VDAC1: variants seen among roughly 807,000 people sequenced by gnomAD.
VDAC1 encodes voltage dependent anion channel 1, also known as non-selective voltage-gated ion channel VDAC1.
VDAC1 carries 10 observed loss-of-function variants against 34.7 expected under a neutral mutation model. The ratio of observed to expected loss-of-function variants is 0.29; its 90% CI spans 0.18 to 0.49. The LOEUF (loss-of-function observed/expected upper bound fraction) is 0.49, where lower values mean the gene tolerates loss of function less well. Among genes scored for constraint, VDAC1 ranks in the 20% least tolerant of loss-of-function variants. The pLI is 0.99. For synonymous variants in VDAC1, 130 were observed against 136.0 expected, an observed-to-expected ratio of 0.96 and a Z score of 0.30; for missense variants, 230 against 347.9, an observed-to-expected ratio of 0.66 and a Z score of 2.69.
chr5:134,112,878 G>A, the VDAC1 span, among the ~76,000 whole-genome samples: 1 of 152,190 alleles, frequency 6.6e-6, no homozygotes, highest in African/African-American at 2.4e-5. Flanking sequence ...CCACTGATCT[G>A]TGTCGGTGGA....
the VDAC1 span, among the ~76,000 whole-genome samples, chr5:134,037,253 C>T: frequency 6.6e-6 from 1 of 152,164 alleles, no homozygotes; most frequent in East Asian, 1.9e-4. Flanking sequence ...ATGGAAAATG[C>T]CCATTGCTGT....
chr5:134,112,434 G>A, the VDAC1 span, among the ~76,000 whole-genome samples: 2 of 152,190 alleles, frequency 1.3e-5, no homozygotes, highest in Admixed American at 1.3e-4. Flanking sequence ...CAGTGTGGCT[G>A]TGGATGCCTG....
the VDAC1 span, among the ~76,000 whole-genome samples, chr5:134,026,109 C>T: frequency 4.6e-5 from 7 of 152,260 alleles, no homozygotes; most frequent in African/African-American, 1.7e-4. Flanking sequence ...TCATGCAAAT[C>T]CGAACATCCA....
chr5:134,014,077 G>A, the VDAC1 span, among the ~76,000 whole-genome samples: 2 of 152,090 alleles, frequency 1.3e-5, no homozygotes, highest in East Asian at 3.9e-4. Flanking sequence ...ATCACCTGAG[G>A]TCAGGAGTTT....
At chr5:134,042,410 G>A in the VDAC1 span, among the ~76,000 whole-genome samples, 7 of 152,236 alleles carry the variant, frequency 4.6e-5, no homozygotes, top group Admixed American at 1.3e-4. Flanking sequence ...GCCCAGGCTA[G>A]GTGACCTGCC....
intron 5 of VDAC1, among the ~76,000 whole-genome samples, chr5:133,987,899 T>C (rs186371384): frequency 6.6e-6 from 1 of 152,308 alleles, no homozygotes; most frequent in African/African-American, 2.4e-5. Flanking sequence ...CAGAGAAGAA[T>C]ATAACACAAC....
the VDAC1 span, among the ~76,000 whole-genome samples, chr5:134,041,904 C>A: frequency 2.0e-5 from 3 of 152,198 alleles, no homozygotes; most frequent in African/African-American, 7.2e-5. Flanking sequence ...CCTCGAAGCT[C>A]CTGAGGTGAC....
chr5:134,100,399 A>G, the VDAC1 span, among the ~76,000 whole-genome samples: 5 of 152,324 alleles, frequency 3.3e-5, no homozygotes, highest in South Asian at 1.0e-3. Flanking sequence ...AGAATGGAAA[A>G]TTCCCCCAGT....
At chr5:134,069,134 T>C in the VDAC1 span, among the ~76,000 whole-genome samples, 2 of 151,708 alleles carry the variant, frequency 1.3e-5, no homozygotes, top group Admixed American at 1.3e-4. Context: ...AGAAAAAAAA[T>C]GAATGTTAAA....
chr5:134,074,688 G>A, the VDAC1 span, among the ~76,000 whole-genome samples: 3 of 152,134 alleles, frequency 2.0e-5, no homozygotes. Context: ...CAGTCACTCA[G>A]TGGTGGGAGG....
the VDAC1 span, among the ~76,000 whole-genome samples, chr5:134,091,037 G>A: frequency 7.9e-5 from 12 of 152,150 alleles, no homozygotes; most frequent in South Asian, 2.1e-4. Flanking sequence ...AAGTGGCCAC[G>A]GAACACTATG....
At chr5:134,042,149 G>A in the VDAC1 span, among the ~76,000 whole-genome samples, 1 of 152,214 alleles carries the variant, frequency 6.6e-6, no homozygotes, top group African/African-American at 2.4e-5. Context: ...AAGGTCGGAA[G>A]CAGGGCTGTC....
the VDAC1 span, among the ~76,000 whole-genome samples, chr5:134,083,566 A>C: frequency 3.0e-4 from 45 of 152,132 alleles, no homozygotes; most frequent in Admixed American, 2.9e-3. Flanking sequence ...AGTGGGGAAA[A>C]CTGTACTTCT....
At chr5:133,992,228 C>G in intron 3 of VDAC1, 78 bp downstream of exon 3, 1 of 1,124,464 alleles carries the variant, frequency 8.9e-7, no homozygotes, top group Non-Finnish European at 1.2e-6. Flanking sequence ...AAGAGCAAAA[C>G]TCCATCTCAA....
the VDAC1 span, among the ~76,000 whole-genome samples, chr5:134,068,972 G>C: frequency 7.3e-6 from 1 of 137,760 alleles, no homozygotes; most frequent in Admixed American, 7.1e-5. Context: ...GTGACTGTGT[G>C]TGTGTGTGTG....
At chr5:134,072,805 C>G in the VDAC1 span, among the ~76,000 whole-genome samples, 1 of 152,202 alleles carries the variant, frequency 6.6e-6, no homozygotes, top group East Asian at 1.9e-4. Context: ...TGCAGTCCAG[C>G]TGGGAACAAA....
the VDAC1 span, among the ~76,000 whole-genome samples, chr5:134,021,010 A>C: frequency 6.6e-6 from 1 of 151,840 alleles, no homozygotes; most frequent in Admixed American, 6.6e-5. Flanking sequence ...ATACAAAAAA[A>C]AAAAAAAAAT....
chr5:133,992,991 C>A lies in VDAC1; in HGVS notation c.22G>T (p.Ala8Ser), dbSNP rs1380796206. The A allele has an allele frequency of 6.2e-7, 1 of 1,613,388 alleles. No individual in the cohort carries two copies. Among genetic ancestry groups the A allele is most frequent in the African/African-American group, 1.3e-5 (1 of 74,914 alleles). ...TCCCTGGCAGATTTGCCAAGATCGG[C>A]ATACGTGGGTGGCACAGCCATCTTC... MAVPPTY[A>S]DLGKSARDVF... The change falls in exon 2 of 9, where the codon GCC becomes TCC. Residue 8 changes from alanine (A) to serine (S), a missense_variant. By Grantham distance (99) the Ala-to-Ser change is moderately conservative. Coordinates refer to ENST00000265333, the MANE Select transcript of VDAC1 (RefSeq NM_003374.3).
the VDAC1 span, among the ~76,000 whole-genome samples, chr5:134,043,601 C>T: frequency 5.3e-5 from 8 of 151,976 alleles, no homozygotes; most frequent in Non-Finnish European, 1.0e-4. Flanking sequence ...GGTGCAATCA[C>T]GGCTCACTGC....
Sources: gnomAD v4.1 joint callset for allele counts (sites outside exome capture counted in the v4.1 genomes callset) on GRCh38, gnomAD v4.1.1 for gene constraint, MANE v1.5 for transcripts, NCBI Gene and HGNC (gene_info 2026-07-23, HGNC 2026-07-21) for gene names.